CCNY: variants seen among roughly 807,000 people sequenced by gnomAD.
The protein encoded by CCNY is cyclin Y.
Under a neutral mutation model 42.8 loss-of-function variants are expected in CCNY, and 19 were observed. The observed-to-expected ratio is 0.44, with a 90% confidence interval of 0.31 to 0.65. CCNY has a LOEUF of 0.65. CCNY is among the 30% of genes least tolerant of loss of function. The pLI is 0.07. For missense variants in CCNY, 370 were observed against 437.3 expected (o/e 0.85, Z 1.37); for synonymous variants, 165 against 162.7 (o/e 1.01, Z -0.11).
intron 3 of CCNY, among the ~76,000 whole-genome samples, chr10:35,294,004 G>T (rs1264339018): frequency 1.3e-5 from 2 of 152,056 alleles, no homozygotes; most frequent in African/African-American, 2.4e-5. Context: ...TGGTCAGGCT[G>T]GTCTCGAACT....
intron 3 of CCNY, among the ~76,000 whole-genome samples, chr10:35,313,118 T>C (rs1835709307): frequency 6.6e-6 from 1 of 152,084 alleles, no homozygotes; most frequent in African/African-American, 2.4e-5. Context: ...AGTCCAGGGA[T>C]GATGATCCCT....
intron 3 of CCNY, among the ~76,000 whole-genome samples, chr10:35,281,740 A>C (rs1835300826): frequency 6.6e-6 from 1 of 152,142 alleles, no homozygotes; most frequent in Admixed American, 6.5e-5. Context: ...ATACCGTGGA[A>C]TAGTATTCAG....
At chr10:35,516,006 A>G (rs1359185462) in intron 3 of CCNY, among the ~76,000 whole-genome samples, 3 of 152,222 alleles carry the variant, frequency 2.0e-5, no homozygotes, top group Non-Finnish European at 2.9e-5. Context: ...TTTTTTCATT[A>G]TAACTTTACC....
At chr10:35,383,300 A>G (rs2096026194) in intron 1 of CCNY, among the ~76,000 whole-genome samples, 1 of 151,938 alleles carries the variant, frequency 6.6e-6, no homozygotes, top group East Asian at 1.9e-4. Context: ...ACTTTTAGAA[A>G]CATTTTCTTT....
intron 2 of CCNY, among the ~76,000 whole-genome samples, chr10:35,492,238 C>T (rs1839914041): frequency 6.6e-6 from 1 of 152,230 alleles, no homozygotes; most frequent in Admixed American, 6.5e-5. Flanking sequence ...GCCCTTTTCA[C>T]CCTTCTTGTG....
intron 3 of CCNY, among the ~76,000 whole-genome samples, chr10:35,258,915 G>A (rs2135029124): frequency 6.8e-6 from 1 of 147,134 alleles, no homozygotes; most frequent in South Asian, 2.2e-4. Context: ...CAGCCTGGGT[G>A]ACAGAGAGAG....
At chr10:35,461,313 C>G (rs184063010) in intron 1 of CCNY, among the ~76,000 whole-genome samples, 1 of 152,158 alleles carries the variant, frequency 6.6e-6, no homozygotes, top group East Asian at 1.9e-4. Context: ...CTAAATATAG[C>G]ATGGGCAAGT....
At chr10:35,257,724 A>C (rs908487220) in intron 3 of CCNY, among the ~76,000 whole-genome samples, 1 of 151,728 alleles carries the variant, frequency 6.6e-6, no homozygotes, top group African/African-American at 2.4e-5. Flanking sequence ...TGAGTCTTTG[A>C]GTTTATCTTA....
chr10:35,390,186 T>G (rs545968982), intron 1 of CCNY, among the ~76,000 whole-genome samples: 1 of 152,368 alleles, frequency 6.6e-6, no homozygotes, highest in Non-Finnish European at 1.5e-5. Context: ...TGGCTGAATA[T>G]AGATAAATTC....
chr10:35,315,948 A>G (rs1219114619), intron 3 of CCNY, among the ~76,000 whole-genome samples: 1 of 152,088 alleles, frequency 6.6e-6, no homozygotes, highest in Non-Finnish European at 1.5e-5. Flanking sequence ...TTCCACCCAG[A>G]CCCATTTCTA....
At chr10:35,416,988 T>C (rs567529142) in intron 1 of CCNY, among the ~76,000 whole-genome samples, 2 of 152,360 alleles carry the variant, frequency 1.3e-5, no homozygotes, top group East Asian at 3.9e-4. Flanking sequence ...GTGTATTTCT[T>C]GCTTAAACAA....
At chr10:35,539,593 C>A (rs757627003) in intron 7 of CCNY, among the ~76,000 whole-genome samples, 1 of 152,116 alleles carries the variant, frequency 6.6e-6, no homozygotes, top group Non-Finnish European at 1.5e-5. Context: ...TCGAGACCAT[C>A]CTGGCCAATA....
In CCNY at chr10:35,494,241, C is replaced by CCG. The variant is rs141910911; in HGVS notation, c.230-7259_230-7258insGC. Among the ~76,000 whole-genome samples, 73 of 145,948 alleles carry CCG rather than the reference C, an allele frequency of 5.0e-4. 5 individuals are homozygous for CCG. The highest frequency in any genetic ancestry group is 3.6e-3 in the Middle Eastern group (1 of 278). On this transcript the variant is annotated intron_variant, in intron 2 of 9. Transcript: ENST00000374704. Reference sequence around the variant, plus strand: ...CCTGGACAGCATAGTGAGACCCCCCCCCCCATTTCTACAAAAAAATAAAGA... The same window carrying CCG: ...CCTGGACAGCATAGTGAGACCCCCCCCGCCCCATTTCTACAAAAAAATAAAGA...
chr10:35,513,641 T>G (rs951786872), intron 3 of CCNY, among the ~76,000 whole-genome samples: 1 of 152,164 alleles, frequency 6.6e-6, no homozygotes, highest in Non-Finnish European at 1.5e-5. Context: ...TCATCTCTGT[T>G]TTACAGCTGA....
chr10:35,262,167 C>G lies in CCNY; in HGVS notation c.-9+11541C>G, dbSNP rs576608168. Among the ~76,000 whole-genome samples the G allele has an allele frequency of 1.3e-3, 182 of 141,938 alleles. 1 individual carries two copies. Among genetic ancestry groups the G allele is most frequent in the South Asian group, 0.011 (50 of 4,568 alleles). The allele number at this position is 141,938 out of a possible 152,430, so 93.1% of individuals were successfully genotyped here. A position where few individuals can be genotyped will look rare whatever the true frequency, so the allele number is the denominator to read the frequency against. ...GTCCCAGCTACTTGGGAAGCTGAAACAGAAGAATCTCTTGAACCCAGGAGG... is the reference window on the plus strand; with the variant it reads ...GTCCCAGCTACTTGGGAAGCTGAAAGAGAAGAATCTCTTGAACCCAGGAGG... On this transcript the variant is annotated intron_variant, in intron 3 of 11. Coordinates refer to the CCNY transcript ENST00000374706.
intron 1 of CCNY, among the ~76,000 whole-genome samples, chr10:35,472,236 A>G (rs531397666): frequency 6.6e-6 from 1 of 152,326 alleles, no homozygotes; most frequent in African/African-American, 2.4e-5. Context: ...GATAAGGAAA[A>G]TGAGATCAGA....
intron 1 of CCNY, among the ~76,000 whole-genome samples, chr10:35,469,327 G>A (rs902661103): frequency 6.6e-6 from 1 of 152,234 alleles, no homozygotes. Context: ...TCTGGTCTGT[G>A]TATTGGCAGA....
chr10:35,320,748 TAGTA>T (rs749163318), intron 3 of CCNY: 2 of 152,290 alleles, frequency 1.3e-5, no homozygotes, highest in East Asian at 1.9e-4. Context: ...CAAATCAAAA[TAGTA>T]AGTGACTTTA....
At chr10:35,500,275 A>G (rs1840084806) in intron 2 of CCNY, among the ~76,000 whole-genome samples, 1 of 152,238 alleles carries the variant, frequency 6.6e-6, no homozygotes, top group African/African-American at 2.4e-5. Flanking sequence ...TCCTCAGACT[A>G]ATTTTTGCTT....
Sources: gnomAD v4.1 joint callset for allele counts (sites outside exome capture counted in the v4.1 genomes callset) on GRCh38, gnomAD v4.1.1 for gene constraint, MANE v1.5 for transcripts, NCBI Gene and HGNC (gene_info 2026-07-23, HGNC 2026-07-21) for gene names.